Variants in SLC35F1 observed in about 807,000 individuals in gnomAD.
The protein encoded by SLC35F1 is solute carrier family 35 member F1.
Under a neutral mutation model 48.7 loss-of-function variants are expected in SLC35F1, and 14 were observed. The observed-to-expected ratio is 0.29, with a 90% confidence interval of 0.19 to 0.45. The LOEUF (loss-of-function observed/expected upper bound fraction) is 0.45, where lower values mean the gene tolerates loss of function less well. Among genes scored for constraint, SLC35F1 ranks in the 20% least tolerant of loss-of-function variants. The pLI, the probability that SLC35F1 is intolerant of heterozygous loss-of-function variation, is 1.00. For missense variants in SLC35F1, 404 were observed against 500.0 expected, an observed-to-expected ratio of 0.81 and a Z score of 1.83; for synonymous variants, 190 against 202.2, an observed-to-expected ratio of 0.94 and a Z score of 0.51.
chr6:118,119,942 C>T (rs1354246711), intron 1 of SLC35F1, among the ~76,000 whole-genome samples: 1 of 152,060 alleles, frequency 6.6e-6, no homozygotes, highest in East Asian at 1.9e-4. Flanking sequence ...CACTTAAGAC[C>T]ATAGTTCAAA....
intron 1 of SLC35F1, among the ~76,000 whole-genome samples, chr6:118,053,656 T>A (rs888585401): frequency 1.3e-5 from 2 of 152,196 alleles, no homozygotes; most frequent in Non-Finnish European, 2.9e-5. Context: ...ATTGTTTTGA[T>A]AGTGTTCATA....
chr6:117,940,227 C>A (rs541968380), intron 1 of SLC35F1, among the ~76,000 whole-genome samples: 9 of 152,228 alleles, frequency 5.9e-5, no homozygotes, highest in African/African-American at 1.9e-4. Flanking sequence ...CTAGAGGGAT[C>A]AAAAACAACA....
At chr6:118,285,855 C>T (rs533393571) in intron 7 of SLC35F1, among the ~76,000 whole-genome samples, 1 of 152,176 alleles carries the variant, frequency 6.6e-6, no homozygotes, top group Admixed American at 6.5e-5. Context: ...TAAAGGAATG[C>T]AAAGAGATCA....
intron 1 of SLC35F1, among the ~76,000 whole-genome samples, chr6:118,126,385 C>A (rs1486996442): frequency 6.6e-6 from 1 of 152,106 alleles, no homozygotes; most frequent in African/African-American, 2.4e-5. Flanking sequence ...TTACTGTAGG[C>A]TTGTAGTATA....
chr6:117,999,265 C>T (rs1164406188), intron 1 of SLC35F1: 35 of 1,595,734 alleles, frequency 2.2e-5, no homozygotes, highest in Non-Finnish European at 1.9e-5. Flanking sequence ...ATCGACATGC[C>T]TACGTTGCCC....
intron 1 of SLC35F1, among the ~76,000 whole-genome samples, chr6:118,147,190 A>AGAATGTG (rs1322911319): frequency 3.5e-4 from 53 of 152,288 alleles, no homozygotes; most frequent in Non-Finnish European, 1.2e-4. Flanking sequence ...AAAAGAGGGA[A>AGAATGTG]GAATGTGTCT....
chr6:117,913,737 A>T (rs1775791137), intron 1 of SLC35F1, among the ~76,000 whole-genome samples: 1 of 147,058 alleles, frequency 6.8e-6, no homozygotes, highest in African/African-American at 2.5e-5. Flanking sequence ...TTTTTGAATT[A>T]TATTATAATT....
intron 6 of SLC35F1, among the ~76,000 whole-genome samples, chr6:118,282,615 C>T (rs561669304): frequency 1.3e-5 from 2 of 152,254 alleles, no homozygotes; most frequent in Admixed American, 1.3e-4. Context: ...AATGCATAAG[C>T]GTCGAAAACA....
At chr6:118,097,178 G>A (rs1773189350) in intron 1 of SLC35F1, among the ~76,000 whole-genome samples, 1 of 151,986 alleles carries the variant, frequency 6.6e-6, no homozygotes, top group South Asian at 2.1e-4. Flanking sequence ...TTCTGAAAAC[G>A]ACCTACAAAG....
intron 1 of SLC35F1, among the ~76,000 whole-genome samples, chr6:118,069,332 T>C (rs931714695): frequency 4.6e-5 from 7 of 152,220 alleles, no homozygotes; most frequent in African/African-American, 1.7e-4. Context: ...ATTTTCAAAG[T>C]CCATCTTGGG....
chr6:117,960,808 A>G (rs1776488280), intron 1 of SLC35F1, among the ~76,000 whole-genome samples: 2 of 152,154 alleles, frequency 1.3e-5, no homozygotes, highest in Non-Finnish European at 2.9e-5. Flanking sequence ...GGGTGATGGG[A>G]TGTTTCAGAG....
chr6:118,076,557 G>A (rs1772821098), intron 1 of SLC35F1, among the ~76,000 whole-genome samples: 1 of 152,106 alleles, frequency 6.6e-6, no homozygotes, highest in Admixed American at 6.5e-5. Flanking sequence ...AATGCTACAT[G>A]ATTTCAAACA....
chr6:117,923,710 C>CATATGTACATATATGTATATATGT (rs1562238868), intron 1 of SLC35F1, among the ~76,000 whole-genome samples: 2 of 22,562 alleles, frequency 8.9e-5, no homozygotes, highest in Non-Finnish European at 1.5e-4. Context: ...CATATATGTA[C>CATATGTACATATATGTATATATGT]ATATATACAT....
intron 1 of SLC35F1, among the ~76,000 whole-genome samples, chr6:118,115,340 C>T (rs1263043271): frequency 6.6e-6 from 1 of 151,952 alleles, no homozygotes; most frequent in Non-Finnish European, 1.5e-5. Flanking sequence ...TTGGTTGACA[C>T]CTGGAAGTAG....
chr6:118,260,383 T>C (rs1431657466), intron 3 of SLC35F1, among the ~76,000 whole-genome samples: 1 of 152,200 alleles, frequency 6.6e-6, no homozygotes, highest in African/African-American at 2.4e-5. Context: ...ATATTTATTA[T>C]ATCTCAACAA....
At position 118,242,575 on chromosome 6, in the gene SLC35F1, G is replaced by A. The variant is rs57770952; in HGVS notation, c.477+6939G>A. ...GGCTTGTGTATCTTGACTTGTGGAG[G>A]ATGAATAGATTGTGCTGTGACTTTG... On this transcript the variant is annotated intron_variant, in intron 3 of 7. Transcript: ENST00000360388. 9.9e-3 allele frequency among the ~76,000 whole-genome samples: 1,512 copies of A among 152,242 alleles called. 27 individuals are homozygous for A. The highest frequency in any genetic ancestry group is 0.035 in the African/African-American group (1,438 of 41,548).
chr6:118,077,777 T>A (rs551956561), intron 1 of SLC35F1, among the ~76,000 whole-genome samples: 1 of 152,296 alleles, frequency 6.6e-6, no homozygotes, highest in Admixed American at 6.5e-5. Flanking sequence ...AAAAATAAAT[T>A]AATTGCATTA....
chr6:118,188,769 G>C (rs913768128), intron 2 of SLC35F1, among the ~76,000 whole-genome samples: 1 of 152,044 alleles, frequency 6.6e-6, no homozygotes, highest in African/African-American at 2.4e-5. Flanking sequence ...ATTGTGCTTT[G>C]ATGAACAAGA....
At chr6:118,217,230 T>G (rs1775087608) in intron 2 of SLC35F1, among the ~76,000 whole-genome samples, 1 of 152,146 alleles carries the variant, frequency 6.6e-6, no homozygotes, top group Admixed American at 6.6e-5. Context: ...TGGAAACAAC[T>G]CAAGTGTCCA....
Sources: gnomAD v4.1 joint callset for allele counts (sites outside exome capture counted in the v4.1 genomes callset) on GRCh38, gnomAD v4.1.1 for gene constraint, MANE v1.5 for transcripts, NCBI Gene and HGNC (gene_info 2026-07-23, HGNC 2026-07-21) for gene names.